The following ADAMTSL5 variants were observed in gnomAD, a reference collection of about 807,000 sequenced individuals.
ADAMTSL5 encodes the protein ADAMTS like 5.
ADAMTSL5 carries 53 observed loss-of-function variants against 51.7 expected under a neutral mutation model. The observed-to-expected ratio is 1.03, with a 90% CI of 0.82 to 1.29. The LOEUF (loss-of-function observed/expected upper bound fraction) is 1.29, where lower values mean the gene tolerates loss of function less well. ADAMTSL5 is among the 50% of genes most tolerant of loss of function. The pLI, the probability that ADAMTSL5 is intolerant of heterozygous loss-of-function variation, is 0.00. For synonymous variants in ADAMTSL5, 285 were observed against 278.7 expected (o/e 1.02, Z -0.23); for missense variants, 770 against 676.2 (o/e 1.14, Z -1.54).
chr19:1,512,612 G>A (rs1398573228), intron 1 of ADAMTSL5, among the ~76,000 whole-genome samples: 5 of 152,108 alleles, frequency 3.3e-5, no homozygotes, highest in Admixed American at 6.5e-5. Context: ...CCCAGGAGGC[G>A]GAGGTTGCAG....
At chr19:1,510,770 G>C in intron 2 of ADAMTSL5, 40 bp from the exon 3 acceptor site, 1 of 1,521,512 alleles carries the variant, frequency 6.6e-7, no homozygotes, top group Non-Finnish European at 8.8e-7. Flanking sequence ...CTTGTAGGGG[G>C]ACGCTGGTGA....
rs1222234085 is a variant in ADAMTSL5 at position 1,510,176 on chromosome 19, G to A, written c.335C>T (p.Thr112Ile). Residue 112 changes from threonine to isoleucine, a missense_variant, in exon 5 of 12, where the codon ACC (threonine) becomes ATC (isoleucine). Coordinates refer to ENST00000330475, the MANE Select transcript of ADAMTSL5 (RefSeq NM_213604.3). Reference sequence around the variant, plus strand: ...CCCATGGAAGGGCACCCACTGGTAGGTCTTCTGGGTGCCCAGGACAGGGCG... The same window carrying A: ...CCCATGGAAGGGCACCCACTGGTAGATCTTCTGGGTGCCCAGGACAGGGCG... ...NGRPVLGTQK[T>I]YQWVPFHGAP... The A allele has an allele frequency of 5.6e-6, 9 of 1,612,682 alleles. No homozygotes were observed. Among genetic ancestry groups the A allele is most frequent in the South Asian group, 2.2e-5 (2 of 90,716 alleles).
At chr19:1,510,102 G>T in intron 5 of ADAMTSL5, 48 bp downstream of exon 5, 2 of 1,457,902 alleles carry the variant, frequency 1.4e-6, no homozygotes, top group South Asian at 1.3e-5. Context: ...AGACTAATGA[G>T]TTGTTCGCTC....
chr19:1,512,089 G>A (rs1913289667), intron 1 of ADAMTSL5, among the ~76,000 whole-genome samples: 1 of 147,050 alleles, frequency 6.8e-6, no homozygotes, highest in Non-Finnish European at 1.5e-5. Context: ...CCTGCAGGGG[G>A]AAAGAGGGGG....
At chr19:1,509,518 T>C (rs560189804) in intron 5 of ADAMTSL5, among the ~76,000 whole-genome samples, 6 of 151,220 alleles carry the variant, frequency 4.0e-5, no homozygotes, top group African/African-American at 1.5e-4. Context: ...TGAGCCTGGC[T>C]GGTGGACCCT....
Position 1,508,466 on chromosome 19 carries a change from C to G in ADAMTSL5, c.466G>C (p.Val156Leu), listed in dbSNP as rs1282465376. 2 of 1,574,706 alleles carry G rather than the reference C, an allele frequency of 1.3e-6. No individual in the cohort carries two copies. Among genetic ancestry groups the G allele is most frequent in the Non-Finnish European group, 1.7e-6 (2 of 1,167,122 alleles). ...GTACSPGAQG[V>L]CVAGRCLSAG... ...ACAAGGCAGCGGCCAGCCACGCAGACCCCCTGGGCACCCGGGCTGCAGGCG... is the reference window on the plus strand; with the variant it reads ...ACAAGGCAGCGGCCAGCCACGCAGAGCCCCTGGGCACCCGGGCTGCAGGCG... The change falls in exon 6 of 12, where the codon GTC becomes CTC. Residue 156 changes from valine (V) to leucine (L), a missense_variant. Val to Leu is a conservative substitution (Grantham distance 32). Transcript: ENST00000330475.
At position 1,506,305 on chromosome 19, in the gene ADAMTSL5, G is replaced by A. The variant is rs371059305; in HGVS notation, c.1126C>T (p.Arg376Ter). 9 of 1,547,430 alleles carry A rather than the reference G, an allele frequency of 5.8e-6. No individual in the cohort carries two copies. The highest frequency in any genetic ancestry group is 3.7e-5 in the South Asian group (3 of 80,422). Residue 376 changes from arginine to a stop codon, truncating the protein, a stop_gained, in exon 12 of 12, where the codon CGA (arginine) becomes TGA (stop). Coordinates refer to ENST00000330475, the MANE Select transcript of ADAMTSL5 (RefSeq NM_213604.3). LOFTEE classifies it high-confidence loss of function. The surrounding 1 kb of genome is among the most constrained non-coding windows in gnomAD (Gnocchi z 5.6). ...YCGSDFVFQA[R>*]VLGHHHQAQE... The stretch of plus-strand genomic sequence containing the variant: ...GCCTGGTGGTGGTGGCCCAGCACTC[G>A]GGCCTGGAACACTGTTGAGGGGACG...
At position 1,510,262 on chromosome 19, in the gene ADAMTSL5, G is replaced by A. The variant is rs755864822; in HGVS notation, c.253-4C>T. On this transcript the variant is annotated splice_region_variant and splice_polypyrimidine_tract_variant and intron_variant, in intron 4 of 11. Transcript: ENST00000330475. ...GCACAGCCCCTGGGGGGCAGTCCTA[G>A]GGACAGAGATAGGTGAGCCAGAGGC... is the stretch of plus-strand genomic sequence containing the variant. The A allele has an allele frequency of 4.3e-6, 7 of 1,613,330 alleles. No individual in the cohort carries two copies.
At position 1,506,292 on chromosome 19, in the gene ADAMTSL5, T is replaced by C; in HGVS notation, c.1139A>G (p.His380Arg). 1 of 1,549,864 alleles carries C rather than the reference T, an allele frequency of 6.5e-7. No homozygotes were observed. The highest frequency in any genetic ancestry group is 8.7e-7 in the Non-Finnish European group (1 of 1,145,428). The change falls in exon 12 of 12, where the codon CAC (histidine) becomes CGC (arginine). Residue 380 changes from histidine to arginine, a missense_variant. Physicochemically the swap from His to Arg is conservative, Grantham distance 29. Coordinates refer to ENST00000330475, the MANE Select transcript of ADAMTSL5 (RefSeq NM_213604.3). This position sits in a 1 kb window ranked among gnomAD's most constrained non-coding sequence, Gnocchi z 5.6. ...DFVFQARVLG[H>R]HHQAQETRYE... ...GCGGGTCTCCTGGGCCTGGTGGTGG[T>C]GGCCCAGCACTCGGGCCTGGAACAC...
chr19:1,509,567 G>C (rs1442463685), intron 5 of ADAMTSL5, among the ~76,000 whole-genome samples: 1 of 150,736 alleles, frequency 6.6e-6, no homozygotes, highest in Non-Finnish European at 1.5e-5. Flanking sequence ...GTGGGCCTCT[G>C]CGGGGGTGGG....
chr19:1,505,812 CA>C lies in ADAMTSL5; in HGVS notation c.*202del, dbSNP rs2145489758. ...AGTCAGAGTCTCCTTAGTGCCTCCT[CA>C]CCAGTGCCTGCCGGCTTGTGACAGT... On this transcript the variant is annotated 3_prime_UTR_variant, in exon 12 of 12. Transcript: ENST00000330475. The C allele has an allele frequency of 1.6e-6, 1 of 607,960 alleles. No individual in the cohort carries two copies. The allele number at this position is 607,960 out of a possible 1,614,324, so 37.7% of individuals were successfully genotyped here. A position where few individuals can be genotyped will look rare whatever the true frequency, so the allele number is the denominator to read the frequency against.
At position 1,508,490 on chromosome 19, in the gene ADAMTSL5, C is replaced by A. The variant is rs1372531547; in HGVS notation, c.442G>T (p.Ala148Ser). 1.3e-6 allele frequency: 2 copies of A among 1,585,992 alleles called. No individual in the cohort carries two copies. Among genetic ancestry groups the A allele is most frequent in the African/African-American group, 1.3e-5 (1 of 74,602 alleles). The change falls in exon 6 of 12, where the codon GCC (alanine) becomes TCC (serine). Residue 148 changes from alanine to serine, a missense_variant. Physicochemically the swap from Ala to Ser is moderately conservative, Grantham distance 99. Transcript: ENST00000330475. Reference protein sequence around the residue: ...HSFGRVLDGTACSPGAQGVCV... With the variant: ...HSFGRVLDGTSCSPGAQGVCV... ...ACCCCCTGGGCACCCGGGCTGCAGG[C>A]GGTGCCGTCCAGGACGCGGCCGAAG...
chr19:1,508,235 C>G, intron 6 of ADAMTSL5, 126 bp from the exon 7 acceptor site: 1 of 1,240,906 alleles, frequency 8.1e-7, no homozygotes. Context: ...TAGGGAGGAG[C>G]AGGACCTGGC....
Position 1,507,322 on chromosome 19 carries a change from GCGTGC to G in ADAMTSL5, c.767_771del (p.Gly256AlafsTer23). The stretch of plus-strand genomic sequence containing the variant: ...CCTGTGTCTCGGGTGTAGACCACAT[GCGTGC>G]CGGCCGCCTCGTAGGTCCCTGGTGG... On this transcript the variant is annotated frameshift_variant, in exon 9 of 12. Transcript: ENST00000330475. LOFTEE classifies it high-confidence loss of function. The G allele has an allele frequency of 6.3e-7, 1 of 1,595,972 alleles. No individual in the cohort carries two copies. Among genetic ancestry groups the G allele is most frequent in the Non-Finnish European group, 8.5e-7 (1 of 1,170,346 alleles).
chr19:1,508,315 A>C (rs1019502535), intron 6 of ADAMTSL5, 128 bp downstream of exon 6: 2 of 519,946 alleles, frequency 3.8e-6, no homozygotes, highest in East Asian at 2.8e-4. Context: ...CTGGAAGGGG[A>C]GGGGGAAGGC....
In ADAMTSL5 at chr19:1,505,939, G is replaced by A; in HGVS notation, c.*76C>T. The A allele has an allele frequency of 7.0e-7, 1 of 1,431,930 alleles. No homozygotes were observed. Among genetic ancestry groups the A allele is most frequent in the East Asian group, 2.5e-5 (1 of 39,470 alleles). The allele number at this position is 1,431,930 out of a possible 1,614,324, so 88.7% of individuals were successfully genotyped here. ...CAGAGCTGCCTGGAAGCCAGGGTGA[G>A]AGGGGAAATACGTTGACGTTGAGGC... On this transcript the variant is annotated 3_prime_UTR_variant, in exon 12 of 12. Transcript: ENST00000330475.
intron 6 of ADAMTSL5, 81 bp from the exon 7 acceptor site, chr19:1,508,190 A>G: frequency 6.9e-7 from 1 of 1,443,880 alleles, no homozygotes; most frequent in South Asian, 1.2e-5. Flanking sequence ...TGGGAGCAAG[A>G]GGACGAGGCC....
Position 1,508,171 on chromosome 19 carries a change from GGCAGTGCCTGGGAGC to G in ADAMTSL5, c.490-77_490-63del, listed in dbSNP as rs1214496034. On this transcript the variant is annotated intron_variant, in intron 6 of 11. Coordinates refer to ENST00000330475, the MANE Select transcript of ADAMTSL5 (RefSeq NM_213604.3). Reference sequence around the variant, plus strand: ...TGGGAGGGGCAGGACCTGGGGAAAGGGCAGTGCCTGGGAGCAAGAGGACGAGGCCTGGAGGGAAGA... The same window carrying G: ...TGGGAGGGGCAGGACCTGGGGAAAGGAAGAGGACGAGGCCTGGAGGGAAGA... 2.7e-6 allele frequency: 4 copies of G among 1,459,540 alleles called. No individual in the cohort carries two copies. The African/African-American group carries it at 1.1e-4, about 41-fold the overall frequency. The allele number at this position is 1,459,540 out of a possible 1,614,324, so 90.4% of individuals were successfully genotyped here.
At chr19:1,510,580 G>A in intron 3 of ADAMTSL5, 59 bp downstream of exon 3, 1 of 1,476,332 alleles carries the variant, frequency 6.8e-7, no homozygotes, top group Non-Finnish European at 9.0e-7. Context: ...GGTGCGGCCA[G>A]GGGCCGGGCT....
Sources: gnomAD v4.1 joint callset for allele counts (sites outside exome capture counted in the v4.1 genomes callset) on GRCh38, gnomAD v4.1.1 for gene constraint, Gnocchi (gnomAD v3.1) non-coding constraint, MANE v1.5 for transcripts, NCBI Gene and HGNC (gene_info 2026-07-23, HGNC 2026-07-21) for gene names.